Variants in MID2 observed in about 807,000 individuals in gnomAD.
MID2 encodes midline 2, also known as probable E3 ubiquitin-protein ligase MID2.
MID2 carries 13 observed loss-of-function variants against 46.1 expected under a neutral mutation model. The ratio of observed to expected loss-of-function variants is 0.28; its 90% CI spans 0.18 to 0.45. The LOEUF (loss-of-function observed/expected upper bound fraction) is 0.45. MID2 is among the 20% of genes least tolerant of loss of function. The pLI, the probability that MID2 is intolerant of heterozygous loss-of-function variation, is 1.00. For missense variants in MID2, 431 were observed against 575.4 expected (o/e 0.75, Z 2.57); for synonymous variants, 199 against 212.3 (o/e 0.94, Z 0.55).
Position 107,927,523 on chromosome X carries a change from A to T in MID2, c.*450A>T, listed in dbSNP as rs1375102808. Among the ~76,000 whole-genome samples the T allele has an allele frequency of 9.0e-6, 1 of 111,523 alleles. No individual in the cohort carries two copies. The highest frequency in any genetic ancestry group is 1.9e-5 in the Non-Finnish European group (1 of 53,047). On this transcript the variant is annotated 3_prime_UTR_variant, in exon 10 of 10. Transcript: ENST00000262843. ...GAACAGTGTCAAATTATCACATATT[A>T]TATTTTACTTTTGATGAAAACCTAT...
chrX:107,833,581 G>GA (rs772735259), intron 1 of MID2, among the ~76,000 whole-genome samples: 1 of 108,471 alleles, frequency 9.2e-6, no homozygotes, highest in Admixed American at 9.9e-5. Flanking sequence ...AGACCCGGAA[G>GA]AAAAAAAATT....
chrX:107,868,178 T>C (rs5962904), intron 3 of MID2, among the ~76,000 whole-genome samples: 33,346 of 110,472 alleles, frequency 0.3, 6,998 homozygotes, highest in African/African-American at 0.76. Context: ...GGTACTGGCA[T>C]GTAGAGAGTA....
chrX:107,826,506 C>A, intron 1 of MID2, 76 bp downstream of exon 1: 2 of 1,070,525 alleles, frequency 1.9e-6, no homozygotes, highest in Non-Finnish European at 2.4e-6. Flanking sequence ...CGGCTCCGGC[C>A]GCTTTTCAGG....
At chrX:107,925,277 G>A (rs1569472130) in intron 8 of MID2, among the ~76,000 whole-genome samples, 1 of 111,683 alleles carries the variant, frequency 9.0e-6, no homozygotes, top group Non-Finnish European at 1.9e-5. Context: ...TAGCTTTTCC[G>A]GCCTCTATAG....
At chrX:107,869,818 T>A (rs748157483) in intron 3 of MID2, among the ~76,000 whole-genome samples, 2 of 110,310 alleles carry the variant, frequency 1.8e-5, no homozygotes, top group Admixed American at 1.9e-4. Flanking sequence ...CTTACCATAT[T>A]GGCAACCTTA....
chrX:107,889,072 C>A (rs1219109339), intron 3 of MID2, among the ~76,000 whole-genome samples: 1 of 111,109 alleles, frequency 9.0e-6, no homozygotes, highest in Non-Finnish European at 1.9e-5. Flanking sequence ...GACTCTTTAT[C>A]CAATTTGCCA....
intron 4 of MID2, among the ~76,000 whole-genome samples, chrX:107,905,099 C>T (rs1025077837): frequency 1.8e-5 from 2 of 111,290 alleles, no homozygotes; most frequent in African/African-American, 6.5e-5. Context: ...TGTAAACAAA[C>T]AAAAATGTAA....
chrX:107,874,515 G>A (rs1217968719), intron 3 of MID2, among the ~76,000 whole-genome samples: 1 of 112,339 alleles, frequency 8.9e-6, no homozygotes, highest in Non-Finnish European at 1.9e-5. Flanking sequence ...GCTGGACCAG[G>A]GCTTGTGTTA....
At chrX:107,898,247 CATAAT>C (rs2147859728) in intron 3 of MID2, among the ~76,000 whole-genome samples, 1 of 112,443 alleles carries the variant, frequency 8.9e-6, no homozygotes, top group South Asian at 3.7e-4. Context: ...CACAGCTCTC[CATAAT>C]ATATCTCCAA....
In MID2 at chrX:107,925,870, A is replaced by C. The variant is rs777366569; in HGVS notation, c.1598-224A>C. ...CCACAGTGGGAAAATAAACGCCGTT[A>C]TGAAGGTCGTTTTATGGGAGATTGG... On this transcript the variant is annotated intron_variant, in intron 8 of 9. Transcript: ENST00000262843. 8.7e-4 allele frequency among the ~76,000 whole-genome samples: 96 copies of C among 110,209 alleles called. 1 individual carries two copies. Among genetic ancestry groups the C allele is most frequent in the South Asian group, 1.2e-3 (3 of 2,532 alleles).
chrX:107,888,712 C>T (rs191330881), intron 3 of MID2, among the ~76,000 whole-genome samples: 63 of 111,150 alleles, frequency 5.7e-4, no homozygotes, highest in African/African-American at 1.5e-3. Flanking sequence ...GTTGACAATG[C>T]GGGGGTGTTA....
chrX:107,910,819 TTTCCTTTCCTTTCCTTTCC>T (rs1284880026), intron 5 of MID2, among the ~76,000 whole-genome samples: 3 of 39,891 alleles, frequency 7.5e-5, no homozygotes, highest in African/African-American at 3.3e-4. Context: ...TTTCCTTTCC[TTTCCTTTCCTTTCCTTTCC>T]CTCTCTCTTT....
chrX:107,846,123 C>A (rs140678314), intron 2 of MID2, among the ~76,000 whole-genome samples: 1 of 111,048 alleles, frequency 9.0e-6, no homozygotes, highest in Non-Finnish European at 1.9e-5. Flanking sequence ...GTAAGGTAAG[C>A]TTTCTGTTGT....
At chrX:107,829,765 T>TG (rs1317999474) in intron 1 of MID2, among the ~76,000 whole-genome samples, 1 of 111,543 alleles carries the variant, frequency 9.0e-6, no homozygotes, top group African/African-American at 3.3e-5. Context: ...AAAGGGTGGT[T>TG]GTGTCCCTCT....
chrX:107,894,983 A>G (rs1932696789), intron 3 of MID2: 1 of 110,612 alleles, frequency 9.0e-6, no homozygotes, highest in Admixed American at 9.7e-5. Context: ...TGGGACTTCT[A>G]GAGAGTTTTC....
intron 1 of MID2, 84 bp from the exon 2 acceptor site, chrX:107,840,586 C>T (rs1054078544): frequency 1.1e-5 from 8 of 758,133 alleles, no homozygotes; most frequent in African/African-American, 2.1e-5. Context: ...AGCACGTAAA[C>T]GCGCCCATTG....
intron 7 of MID2, among the ~76,000 whole-genome samples, chrX:107,922,618 A>G (rs1933093087): frequency 1.8e-5 from 2 of 111,723 alleles, no homozygotes; most frequent in African/African-American, 3.2e-5. Context: ...TTTTTTATTT[A>G]TCTTTCCTGT....
intron 2 of MID2, among the ~76,000 whole-genome samples, chrX:107,841,734 C>T (rs769746999): frequency 5.3e-5 from 6 of 112,301 alleles, no homozygotes; most frequent in Non-Finnish European, 1.1e-4. Flanking sequence ...TATGTGAGTA[C>T]TTGTGTACGT....
intron 3 of MID2, among the ~76,000 whole-genome samples, chrX:107,885,082 T>A (rs904141485): frequency 5.9e-5 from 6 of 102,510 alleles, no homozygotes; most frequent in African/African-American, 2.3e-4. Flanking sequence ...TTTGTTTTTG[T>A]TTTTTTTCCA....
Sources: allele counts gnomAD v4.1 joint callset (sites outside exome capture counted in the v4.1 genomes callset), GRCh38; gene constraint gnomAD v4.1.1; transcripts MANE v1.5; gene names NCBI Gene and HGNC (gene_info 2026-07-23, HGNC 2026-07-21).